PTPRG: variants seen among roughly 807,000 people sequenced by gnomAD.
The protein encoded by PTPRG is receptor-type tyrosine-protein phosphatase gamma.
Under a neutral mutation model 165.3 loss-of-function variants are expected in PTPRG, and 102 were observed. The ratio of observed to expected loss-of-function variants is 0.62; its 90% CI spans 0.53 to 0.73. The LOEUF is 0.73. PTPRG is among the 30% of genes least tolerant of loss of function. The pLI is 0.00. For synonymous variants in PTPRG, 675 were observed against 669.5 expected (o/e 1.01, Z -0.13); for missense variants, 1,866 against 1,861.4 (o/e 1.00, Z -0.05).
intron 4 of PTPRG, among the ~76,000 whole-genome samples, chr3:62,025,208 A>G (rs996960065): frequency 2.0e-5 from 3 of 152,200 alleles, no homozygotes; most frequent in Non-Finnish European, 2.9e-5. Context: ...TGCTTAAGAA[A>G]TGAACTAATT....
chr3:62,277,806 C>A, intron 26 of PTPRG, 127 bp downstream of exon 26: 1 of 1,185,104 alleles, frequency 8.4e-7, no homozygotes, highest in South Asian at 1.6e-5. Flanking sequence ...TTTTTAAATT[C>A]TCATCTTGAA....
At chr3:62,286,405 G>A (rs1702661861) in intron 28 of PTPRG, among the ~76,000 whole-genome samples, 1 of 151,944 alleles carries the variant, frequency 6.6e-6, no homozygotes, top group Admixed American at 6.6e-5. Context: ...TTATAACTCT[G>A]GATAGCAATC....
At chr3:61,695,244 C>T (rs565789303) in intron 1 of PTPRG, among the ~76,000 whole-genome samples, 16 of 152,206 alleles carry the variant, frequency 1.1e-4, no homozygotes, top group Non-Finnish European at 1.9e-4. Flanking sequence ...CTCCCGACCT[C>T]GGGTGATCCA....
chr3:61,666,749 G>A (rs1248927637), intron 1 of PTPRG, among the ~76,000 whole-genome samples: 1 of 152,172 alleles, frequency 6.6e-6, no homozygotes, highest in Non-Finnish European at 1.5e-5. Flanking sequence ...ATCGTAGGGT[G>A]TTTAGTAACA....
intron 2 of PTPRG, among the ~76,000 whole-genome samples, chr3:61,973,485 T>C (rs2040429760): frequency 6.6e-6 from 1 of 152,200 alleles, no homozygotes; most frequent in Admixed American, 6.5e-5. Flanking sequence ...CAGTTTCCTA[T>C]TAATCGTATT....
chr3:62,167,786 G>A (rs899636235), intron 7 of PTPRG, among the ~76,000 whole-genome samples, 185 bp from the exon 8 acceptor site: 3 of 152,192 alleles, frequency 2.0e-5, no homozygotes, highest in Non-Finnish European at 4.4e-5. Context: ...AGATGAGCCT[G>A]TTGGCAGTGT....
At chr3:61,742,987 T>C in intron 1 of PTPRG, 1 of 1,527,210 alleles carries the variant, frequency 6.5e-7, no homozygotes, top group Non-Finnish European at 9.1e-7. Flanking sequence ...CTGGGGGTCA[T>C]AGTTCTTCAA....
intron 2 of PTPRG, among the ~76,000 whole-genome samples, chr3:61,779,515 C>G (rs758334629): frequency 3.2e-4 from 48 of 152,008 alleles, no homozygotes; most frequent in Non-Finnish European, 6.5e-4. Flanking sequence ...CTAAGGTGAG[C>G]CTTTTTTTGC....
chr3:61,790,120 T>A (rs1156582017), intron 2 of PTPRG, among the ~76,000 whole-genome samples: 3 of 152,198 alleles, frequency 2.0e-5, no homozygotes. Flanking sequence ...TGTGATCACT[T>A]AGCCGTGTCT....
At chr3:61,764,216 C>T (rs1553663393) in intron 2 of PTPRG, among the ~76,000 whole-genome samples, 1 of 152,066 alleles carries the variant, frequency 6.6e-6, no homozygotes, top group Non-Finnish European at 1.5e-5. Context: ...AGAAGTTGAC[C>T]TAGGGTATAT....
At chr3:61,640,336 TCCTGGGGTATACAC>T (rs1250563111) in intron 1 of PTPRG, among the ~76,000 whole-genome samples, 1 of 152,164 alleles carries the variant, frequency 6.6e-6, no homozygotes, top group Non-Finnish European at 1.5e-5. Flanking sequence ...TCAGAGTAGG[TCCTGGGGTATACAC>T]CTGGGGCCAT....
intron 4 of PTPRG, among the ~76,000 whole-genome samples, chr3:62,053,266 GTTTT>G (rs36000751): frequency 7.6e-6 from 1 of 130,976 alleles, no homozygotes; most frequent in African/African-American, 2.8e-5. Context: ...ACTGCCTTGG[GTTTT>G]TTTTTTTTTT....
chr3:61,888,031 C>T (rs1048372122), intron 2 of PTPRG, among the ~76,000 whole-genome samples: 8 of 152,176 alleles, frequency 5.3e-5, no homozygotes, highest in South Asian at 2.1e-4. Context: ...ACACAGAAGG[C>T]GCTAAAATAG....
intron 14 of PTPRG, among the ~76,000 whole-genome samples, chr3:62,241,355 G>T (rs1415552802): frequency 6.6e-6 from 1 of 152,146 alleles, no homozygotes; most frequent in Non-Finnish European, 1.5e-5. Context: ...TCTGTAGTTA[G>T]TTGCCCACCC....
chr3:61,612,277 T>G (rs769568711), intron 1 of PTPRG, among the ~76,000 whole-genome samples: 12 of 152,196 alleles, frequency 7.9e-5, no homozygotes, highest in Non-Finnish European at 1.8e-4. Context: ...CCTGTTGCAA[T>G]CTGTGCAGTT....
chr3:62,246,006 T>C (rs1282675549), intron 15 of PTPRG, among the ~76,000 whole-genome samples: 8 of 152,206 alleles, frequency 5.3e-5, no homozygotes, highest in Non-Finnish European at 1.0e-4. Context: ...CCCAGTTACC[T>C]ATTTAATTAA....
intron 2 of PTPRG, among the ~76,000 whole-genome samples, chr3:61,979,663 A>C (rs1011205768): frequency 3.3e-5 from 5 of 152,236 alleles, no homozygotes; most frequent in African/African-American, 1.2e-4. Flanking sequence ...GTTAAAATCA[A>C]GTATTCACAG....
At chr3:62,073,205 T>C (rs1222935983) in intron 4 of PTPRG, among the ~76,000 whole-genome samples, 2 of 152,178 alleles carry the variant, frequency 1.3e-5, no homozygotes, top group Non-Finnish European at 2.9e-5. Context: ...TTCCTTACTC[T>C]AGAATGCCAG....
In PTPRG at chr3:62,271,022, A is replaced by G. The variant is rs904938363; in HGVS notation, c.3010-361A>G. On this transcript the variant is annotated intron_variant, in intron 20 of 29. Transcript: ENST00000474889. This position sits in a 1 kb window ranked among gnomAD's most constrained non-coding sequence, Gnocchi z 4.1. The stretch of plus-strand genomic sequence containing the variant: ...GGAATGGGAATCACAGCCCACAGAG[A>G]CATGAAAGCAAAGTACTAAGATCTG... Among the ~76,000 whole-genome samples, 1 of 152,192 alleles carries G rather than the reference A, an allele frequency of 6.6e-6. No individual in the cohort carries two copies. The highest frequency in any genetic ancestry group is 2.4e-5 in the African/African-American group (1 of 41,448).
Sources: gnomAD v4.1 joint callset for allele counts (sites outside exome capture counted in the v4.1 genomes callset) on GRCh38, gnomAD v4.1.1 for gene constraint, Gnocchi (gnomAD v3.1) non-coding constraint, MANE v1.5 for transcripts, NCBI Gene and HGNC (gene_info 2026-07-23, HGNC 2026-07-21) for gene names.